Variants in RAP1A observed in about 807,000 individuals in gnomAD.
RAP1A encodes ras-related protein Rap-1A.
RAP1A carries 6 observed loss-of-function variants against 26.4 expected under a neutral mutation model. The ratio of observed to expected loss-of-function variants is 0.23; its 90% CI spans 0.12 to 0.45. The LOEUF (loss-of-function observed/expected upper bound fraction) is 0.45. Ranked by LOEUF, RAP1A falls within the 20% of genes least tolerant of loss-of-function variation. The probability of loss-of-function intolerance (pLI) is 0.99; values close to 1 mark genes in which losing one functional copy is unlikely to be tolerated. For missense variants in RAP1A, 121 were observed against 217.2 expected, an observed-to-expected ratio of 0.56 and a Z score of 2.78; for synonymous variants, 73 against 79.4, an observed-to-expected ratio of 0.92 and a Z score of 0.43.
intron 1 of RAP1A, among the ~76,000 whole-genome samples, chr1:111,586,352 C>T (rs1658364565): frequency 6.6e-6 from 1 of 152,268 alleles, no homozygotes; most frequent in East Asian, 1.9e-4. Context: ...AACTGACATC[C>T]CTACTGACTT....
intron 1 of RAP1A, among the ~76,000 whole-genome samples, chr1:111,645,563 A>G (rs1167102421): frequency 6.6e-6 from 1 of 152,222 alleles, no homozygotes; most frequent in Non-Finnish European, 1.5e-5. Context: ...AAACAACAGG[A>G]ATACATGGAA....
At chr1:111,605,773 G>T (rs1658759933) in intron 1 of RAP1A, among the ~76,000 whole-genome samples, 1 of 152,224 alleles carries the variant, frequency 6.6e-6, no homozygotes, top group African/African-American at 2.4e-5. Flanking sequence ...CTGGGCCACA[G>T]CTTTGGCTTG....
intron 1 of RAP1A, among the ~76,000 whole-genome samples, chr1:111,587,564 G>T (rs1481289645): frequency 6.6e-6 from 1 of 152,014 alleles, no homozygotes; most frequent in African/African-American, 2.4e-5. Flanking sequence ...GATCTTTCCT[G>T]GCAAAATATA....
intron 1 of RAP1A, among the ~76,000 whole-genome samples, chr1:111,601,774 A>C (rs1571491677): frequency 6.6e-6 from 1 of 152,196 alleles, no homozygotes; most frequent in African/African-American, 2.4e-5. Flanking sequence ...AAAAAAGAGA[A>C]AATAATAATA....
At chr1:111,629,764 G>C (rs754932796) in intron 1 of RAP1A, among the ~76,000 whole-genome samples, 2 of 152,110 alleles carry the variant, frequency 1.3e-5, no homozygotes, top group Non-Finnish European at 2.9e-5. Flanking sequence ...TTTCCTGTGT[G>C]AATCTGCAAA....
At chr1:111,631,904 TA>T (rs55637562) in intron 1 of RAP1A, among the ~76,000 whole-genome samples, 30 of 148,314 alleles carry the variant, frequency 2.0e-4, no homozygotes, top group Admixed American at 4.0e-4. Context: ...TTTTTGGCTT[TA>T]AAAAAAAAAA....
chr1:111,587,997 A>C (rs899818086), intron 1 of RAP1A, among the ~76,000 whole-genome samples: 7 of 152,140 alleles, frequency 4.6e-5, no homozygotes, highest in Non-Finnish European at 7.4e-5. Flanking sequence ...TCACAAATAC[A>C]CTATTTCAGC....
At chr1:111,649,358 C>T in intron 1 of RAP1A, 1 of 387,264 alleles carries the variant, frequency 2.6e-6, no homozygotes, top group South Asian at 2.2e-5. Flanking sequence ...CCCATTCCTG[C>T]CAGCCCCTCG....
intron 1 of RAP1A, among the ~76,000 whole-genome samples, chr1:111,691,107 A>G (rs778527593): frequency 5.3e-5 from 8 of 152,234 alleles, no homozygotes; most frequent in Non-Finnish European, 2.9e-5. Context: ...TAATATGAAC[A>G]TAATTGATGC....
chr1:111,652,742 A>G (rs1159647344), intron 1 of RAP1A, among the ~76,000 whole-genome samples: 1 of 152,200 alleles, frequency 6.6e-6, no homozygotes, highest in African/African-American at 2.4e-5. Flanking sequence ...GGATGTAGAG[A>G]GATTGGAACT....
chr1:111,556,525 C>G (rs1230050463), intron 1 of RAP1A, among the ~76,000 whole-genome samples: 2 of 152,116 alleles, frequency 1.3e-5, no homozygotes, highest in Non-Finnish European at 2.9e-5. Context: ...GATGAATGGA[C>G]ACACAAAATG....
intron 1 of RAP1A, among the ~76,000 whole-genome samples, chr1:111,561,794 C>G (rs1890193): frequency 0.033 from 5,000 of 152,102 alleles, 263 homozygotes; most frequent in African/African-American, 0.11. Context: ...TGTGTTGGGT[C>G]CATTCTGTCA....
chr1:111,624,467 C>T (rs1659330590), intron 1 of RAP1A, among the ~76,000 whole-genome samples: 1 of 152,196 alleles, frequency 6.6e-6, no homozygotes, highest in South Asian at 2.1e-4. Flanking sequence ...TTCACATTCT[C>T]TCAGTCTCCT....
intron 4 of RAP1A, among the ~76,000 whole-genome samples, chr1:111,699,761 C>T (rs1661961108): frequency 6.6e-6 from 1 of 152,088 alleles, no homozygotes; most frequent in Non-Finnish European, 1.5e-5. Flanking sequence ...AGCCACTGCA[C>T]CCAGGCCATC....
intron 1 of RAP1A, among the ~76,000 whole-genome samples, chr1:111,666,730 C>T (rs1304560458): frequency 1.3e-5 from 2 of 151,816 alleles, no homozygotes; most frequent in African/African-American, 4.8e-5. Flanking sequence ...AGTTTTGACT[C>T]AAAGGGGTCA....
At chr1:111,582,836 T>C (rs1248450757) in intron 1 of RAP1A, among the ~76,000 whole-genome samples, 2 of 152,350 alleles carry the variant, frequency 1.3e-5, no homozygotes, top group South Asian at 4.1e-4. Flanking sequence ...AGCTTTCAGA[T>C]TGCTTGTCCT....
intron 2 of RAP1A, among the ~76,000 whole-genome samples, chr1:111,694,848 C>G (rs1377698545): frequency 7.9e-5 from 12 of 152,102 alleles, no homozygotes; most frequent in Admixed American, 7.9e-4. Flanking sequence ...TGCTTGAGGT[C>G]CAGCTACCTG....
At chr1:111,639,869 A>G (rs914833664) in intron 1 of RAP1A, among the ~76,000 whole-genome samples, 5 of 152,194 alleles carry the variant, frequency 3.3e-5, no homozygotes, top group African/African-American at 9.6e-5. Flanking sequence ...TGAAAAGCCA[A>G]CTTTTTCCCC....
At chr1:111,613,478 C>T (rs1001024476) in intron 1 of RAP1A, among the ~76,000 whole-genome samples, 2 of 152,166 alleles carry the variant, frequency 1.3e-5, no homozygotes, top group Admixed American at 6.5e-5. Flanking sequence ...GGATTACAGG[C>T]GTTAGCCACC....
Sources: gnomAD v4.1 joint callset for allele counts (sites outside exome capture counted in the v4.1 genomes callset) on GRCh38, gnomAD v4.1.1 for gene constraint, MANE v1.5 for transcripts, NCBI Gene and HGNC (gene_info 2026-07-23, HGNC 2026-07-21) for gene names.